SMIM21: variants seen among roughly 807,000 people sequenced by gnomAD.
The protein encoded by SMIM21 is chromosome 18 open reading frame 62.
A neutral mutation model predicts 8.6 loss-of-function variants in SMIM21; 8 were observed. The observed-to-expected ratio is 0.93, with a 90% CI of 0.55 to 1.68. The LOEUF is 1.68. SMIM21 is among the 40% of genes most tolerant of loss of function. SMIM21 has a pLI of 0.00. For missense variants in SMIM21, 132 were observed against 123.0 expected, an observed-to-expected ratio of 1.07 and a Z score of -0.35; for synonymous variants, 43 against 41.7, an observed-to-expected ratio of 1.03 and a Z score of -0.12.
At chr18:75,416,224 G>A (rs1437389410) in intron 2 of SMIM21, 1 of 152,172 alleles carries the variant, frequency 6.6e-6, no homozygotes, top group African/African-American at 2.4e-5. Context: ...ATGACATGTT[G>A]ACAATCAGAT....
chr18:75,420,020 C>G (rs1277135019), intron 1 of SMIM21, among the ~76,000 whole-genome samples: 1 of 152,148 alleles, frequency 6.6e-6, no homozygotes, highest in Non-Finnish European at 1.5e-5. Context: ...ATCCCAGCAT[C>G]CATCTACTGG....
chr18:75,420,232 A>G (rs1008305647), intron 1 of SMIM21, among the ~76,000 whole-genome samples: 4 of 152,212 alleles, frequency 2.6e-5, no homozygotes, highest in Non-Finnish European at 5.9e-5. Context: ...TCATGTTTGA[A>G]TTTTAATAGT....
chr18:75,420,492 C>G (rs1243934929), intron 1 of SMIM21, among the ~76,000 whole-genome samples: 3 of 152,034 alleles, frequency 2.0e-5, no homozygotes, highest in Admixed American at 2.0e-4. Context: ...CATTTGGAGA[C>G]AGTAAGGATT....
At chr18:75,418,306 C>T (rs1479243286) in intron 2 of SMIM21, 1 of 395,032 alleles carries the variant, frequency 2.5e-6, no homozygotes, top group African/African-American at 2.1e-5. Context: ...TAACTAAGCA[C>T]AACTGGAATC....
intron 1 of SMIM21, among the ~76,000 whole-genome samples, chr18:75,425,860 AG>A (rs1176513981): frequency 1.5e-4 from 23 of 152,312 alleles, no homozygotes; most frequent in African/African-American, 5.3e-4. Context: ...TTGAAGATGG[AG>A]GGGACAGGGA....
intron 2 of SMIM21, among the ~76,000 whole-genome samples, chr18:75,414,216 T>C (rs1568151354): frequency 6.6e-6 from 1 of 152,062 alleles, no homozygotes; most frequent in Non-Finnish European, 1.5e-5. Context: ...AGACATAAAA[T>C]TTATTATCAA....
intron 2 of SMIM21, among the ~76,000 whole-genome samples, chr18:75,411,404 A>C (rs535101001): frequency 6.6e-6 from 1 of 152,356 alleles, no homozygotes; most frequent in African/African-American, 2.4e-5. Context: ...CGGCCTCAAG[A>C]ATGTGTTTTG....
Position 75,418,903 on chromosome 18 carries a change from T to C in SMIM21, c.143A>G (p.His48Arg), listed in dbSNP as rs2024680637. 1.9e-6 allele frequency: 3 copies of C among 1,599,668 alleles called. No homozygotes were observed. The East Asian group carries it at 6.7e-5, about 36-fold the overall frequency. Residue 48 changes from histidine to arginine, a missense_variant, in exon 2 of 3, where the codon CAC becomes CGC. Coordinates refer to ENST00000579022, the MANE Select transcript of SMIM21 (RefSeq NM_001037331.3). ...KKALTTFENE[H>R]HIRFFTLLVL... Reference sequence around the variant, plus strand: ...CAACAATGTGAAGAAACGAATATGGTGTTCATTTTCAAACTGAAAAAGGAA... The same window carrying C: ...CAACAATGTGAAGAAACGAATATGGCGTTCATTTTCAAACTGAAAAAGGAA...
chr18:75,419,653 C>T (rs548019270), intron 1 of SMIM21, among the ~76,000 whole-genome samples: 3 of 152,190 alleles, frequency 2.0e-5, no homozygotes, highest in Admixed American at 2.0e-4. Context: ...CTTCTTCTTT[C>T]TCAGAAAGAA....
intron 1 of SMIM21, among the ~76,000 whole-genome samples, chr18:75,419,922 G>T (rs2024691560): frequency 6.6e-6 from 1 of 152,208 alleles, no homozygotes; most frequent in African/African-American, 2.4e-5. Flanking sequence ...GCCACCGTGG[G>T]AAGGAGAGAA....
At chr18:75,417,905 A>G (rs2024665397) in intron 2 of SMIM21, 3 of 297,162 alleles carry the variant, frequency 1.0e-5, no homozygotes, top group Admixed American at 1.0e-4. Flanking sequence ...TTTATTAAAT[A>G]TTGATTGACT....
At chr18:75,418,252 G>C (rs879052533) in intron 2 of SMIM21, 9 of 398,062 alleles carry the variant, frequency 2.3e-5, no homozygotes, top group Non-Finnish European at 3.1e-5. Flanking sequence ...CTCTGAAAAC[G>C]TTTCCAGCCA....
intron 1 of SMIM21, among the ~76,000 whole-genome samples, chr18:75,425,744 C>G (rs1188929963): frequency 6.6e-6 from 1 of 152,182 alleles, no homozygotes; most frequent in Non-Finnish European, 1.5e-5. Flanking sequence ...AGAAGATGAA[C>G]TCTTTTACAT....
intron 1 of SMIM21, among the ~76,000 whole-genome samples, chr18:75,421,891 T>C (rs1047093358): frequency 6.6e-6 from 1 of 152,192 alleles, no homozygotes; most frequent in African/African-American, 2.4e-5. Context: ...GAAAACCCCA[T>C]TGCACATAAT....
rs766992465 is a variant in SMIM21, at chr18:75,410,873, T to C, written c.297A>G (p.Glu99=). ...AGAAACGTAGTGTCATTTATTCTGC[T>C]TCTGCTGTGTTCCTGGATGACTTCA... is the stretch of plus-strand genomic sequence containing the variant. ...LRLKSSRNTA[E]AE The change falls in exon 3 of 3, where the codon GAA becomes GAG. Residue 99 remains glutamate (E), a synonymous_variant. Transcript: ENST00000579022. 1.9e-6 allele frequency: 3 copies of C among 1,614,200 alleles called. No homozygotes were observed. Among genetic ancestry groups the C allele is most frequent in the African/African-American group, 1.3e-5 (1 of 75,070 alleles).
chr18:75,414,103 A>ACACG lies in SMIM21; in HGVS notation c.261-3195_261-3194insCGTG, dbSNP rs1555675380. 2.2e-5 allele frequency among the ~76,000 whole-genome samples: 3 copies of ACACG among 137,622 alleles called. 1 individual carries two copies. Among genetic ancestry groups the ACACG allele is most frequent in the South Asian group, 4.9e-4 (2 of 4,070 alleles). The allele number at this position is 137,622 out of a possible 152,430, so 90.3% of individuals were successfully genotyped here. ...CACACACACACACACACACATACACACACACACACACACACACATACACAC... is the reference window on the plus strand; with the variant it reads ...CACACACACACACACACACATACACACACGCACACACACACACACACATACACAC... On this transcript the variant is annotated intron_variant, in intron 2 of 2. Transcript: ENST00000579022.
intron 2 of SMIM21, chr18:75,417,939 T>A (rs2024665739): frequency 2.9e-6 from 1 of 343,586 alleles, no homozygotes; most frequent in East Asian, 4.2e-5. Context: ...AATTTCCAAA[T>A]AGAGTTTAAG....
In SMIM21 at chr18:75,409,959, T is replaced by C. The variant is rs1347974927; in HGVS notation, c.*905A>G. 6.5e-6 allele frequency: 1 copy of C among 152,682 alleles called. No individual in the cohort carries two copies. The allele number at this position is 152,682 out of a possible 1,614,324, so 9.5% of individuals were successfully genotyped here. A position where few individuals can be genotyped will look rare whatever the true frequency, so the allele number is the denominator to read the frequency against. ...GAGCAGGGCTCACCTCGTCAAGGAC[T>C]TTGCAGCCGCCTTAACTTTGAGTCT... On this transcript the variant is annotated 3_prime_UTR_variant, in exon 3 of 3. Coordinates refer to ENST00000579022, the MANE Select transcript of SMIM21 (RefSeq NM_001037331.3).
At position 75,427,560 on chromosome 18, in the gene SMIM21, C is replaced by T; in HGVS notation, c.4G>A (p.Asp2Asn). Residue 2 changes from aspartate to asparagine, a missense_variant, in exon 1 of 3, where the codon GAC becomes AAC. Coordinates refer to ENST00000579022, the MANE Select transcript of SMIM21 (RefSeq NM_001037331.3). ...GGAGGAGCTGTGGACACATACTGGTCCATGTGGGGGCTGCGGCGGTGACCA... is the reference window on the plus strand; with the variant it reads ...GGAGGAGCTGTGGACACATACTGGTTCATGTGGGGGCTGCGGCGGTGACCA... M[D>N]QYVSTAPPRF... 1.2e-6 allele frequency: 2 copies of T among 1,607,920 alleles called. No homozygotes were observed. The highest frequency in any genetic ancestry group is 1.3e-5 in the African/African-American group (1 of 74,932).
Sources: allele counts gnomAD v4.1 joint callset (sites outside exome capture counted in the v4.1 genomes callset), GRCh38; gene constraint gnomAD v4.1.1; transcripts MANE v1.5; gene names NCBI Gene and HGNC (gene_info 2026-07-23, HGNC 2026-07-21).